The following PAH variants were observed in gnomAD, a reference collection of about 807,000 sequenced individuals.
PAH encodes phenylalanine-4-hydroxylase.
PAH carries 64 observed loss-of-function variants against 62.0 expected under a neutral mutation model. The observed-to-expected ratio is 1.03, with a 90% confidence interval of 0.84 to 1.27. PAH has a LOEUF of 1.27. PAH is among the 50% of genes most tolerant of loss of function. The pLI, the probability that PAH is intolerant of heterozygous loss-of-function variation, is 0.00. For synonymous variants in PAH, 195 were observed against 196.2 expected (o/e 0.99, Z 0.05); for missense variants, 579 against 542.8 (o/e 1.07, Z -0.66).
intron 3 of PAH, among the ~76,000 whole-genome samples, chr12:102,890,497 A>G (rs1877232161): frequency 6.6e-6 from 1 of 152,218 alleles, no homozygotes; most frequent in Non-Finnish European, 1.5e-5. Flanking sequence ...AGGTCGTGGC[A>G]TGTCAACATC....
At chr12:102,943,746 A>G (rs1879380049) in intron 1 of PAH, among the ~76,000 whole-genome samples, 1 of 152,208 alleles carries the variant, frequency 6.6e-6, no homozygotes. Context: ...GAATGAAATC[A>G]TGTCATTTGC....
At chr12:102,882,845 C>T (rs781687127) in intron 3 of PAH, among the ~76,000 whole-genome samples, 2 of 151,782 alleles carry the variant, frequency 1.3e-5, no homozygotes, top group Non-Finnish European at 2.9e-5. Flanking sequence ...ATGCTCTTTC[C>T]GTATTATTGG....
intron 2 of PAH, 86 bp from the exon 3 acceptor site, chr12:102,895,004 C>T (rs140590557): frequency 3.9e-5 from 39 of 1,002,404 alleles, no homozygotes; most frequent in East Asian, 3.6e-4. Context: ...GAAAACCTAA[C>T]GCAACAAAAT....
At position 102,839,022 on chromosome 12, in the gene PAH, T is replaced by G; in HGVS notation, c.*153A>C. The G allele has an allele frequency of 4.3e-6, 3 of 696,534 alleles. No individual in the cohort carries two copies. Among genetic ancestry groups the G allele is most frequent in the Non-Finnish European group, 7.6e-6 (3 of 392,190 alleles). 43.1% of individuals were successfully genotyped at this position (696,534 alleles called of 1,614,324 possible). ...GTACTCATATCCTGTCATTTCAGAT[T>G]ATTTTGACTTATTTGTTGTTTCTCC... On this transcript the variant is annotated 3_prime_UTR_variant, in exon 13 of 13. Transcript: ENST00000553106.
intron 3 of PAH, among the ~76,000 whole-genome samples, chr12:102,883,177 C>T (rs1876894117): frequency 6.6e-6 from 1 of 152,156 alleles, no homozygotes; most frequent in South Asian, 2.1e-4. Context: ...CTGAGGCTGG[C>T]CAGATGATAC....
At chr12:102,940,920 A>G (rs1332829381) in intron 1 of PAH, among the ~76,000 whole-genome samples, 1 of 152,186 alleles carries the variant, frequency 6.6e-6, no homozygotes, top group African/African-American at 2.4e-5. Flanking sequence ...AGACAGCTAC[A>G]GAGAAAGGGC....
chr12:102,944,100 G>A (rs1407516952), intron 1 of PAH, among the ~76,000 whole-genome samples: 1 of 152,170 alleles, frequency 6.6e-6, no homozygotes, highest in Non-Finnish European at 1.5e-5. Context: ...CTTCCTCCAT[G>A]CCTATAAGGT....
chr12:102,860,932 T>G (rs566589694), intron 5 of PAH, among the ~76,000 whole-genome samples: 178 of 152,314 alleles, frequency 1.2e-3, no homozygotes, highest in Non-Finnish European at 2.3e-3. Flanking sequence ...GGGCAAGGAC[T>G]TCATGTCTTA....
At chr12:102,860,589 C>G (rs894121720) in intron 5 of PAH, among the ~76,000 whole-genome samples, 1 of 152,162 alleles carries the variant, frequency 6.6e-6, no homozygotes, top group African/African-American at 2.4e-5. Context: ...AACTATACTA[C>G]AAGGCTACAG....
At chr12:102,916,558 G>A (rs1177285539) in intron 1 of PAH, 1 of 175,334 alleles carries the variant, frequency 5.7e-6, no homozygotes, top group East Asian at 1.5e-4. Flanking sequence ...TGCCTCCCCT[G>A]GTCTGAGTAA....
At chr12:102,858,687 C>T (rs1434586297) in intron 5 of PAH, among the ~76,000 whole-genome samples, 1 of 152,204 alleles carries the variant, frequency 6.6e-6, no homozygotes, top group South Asian at 2.1e-4. Flanking sequence ...AACCACTCAA[C>T]TACATGGAAA....
At position 102,916,145 on chromosome 12, in the gene PAH, T is replaced by A. The variant is rs1428363529; in HGVS notation, c.60+926A>T. Among the ~76,000 whole-genome samples the A allele has an allele frequency of 7.1e-5, 4 of 56,468 alleles. No homozygotes were observed. In the South Asian group the frequency reaches 1.4e-3, roughly 19 times the overall value. The allele number at this position is 56,468 out of a possible 152,430, so 37.0% of individuals were successfully genotyped here. A position where few individuals can be genotyped will look rare whatever the true frequency, so the allele number is the denominator to read the frequency against. On this transcript the variant is annotated intron_variant, in intron 1 of 12. Transcript: ENST00000553106. ...AGCCATGTACTATTTTCATAAGAAA[T>A]TTTTTTTTTTAAGGATTCAAATAAA...
chr12:102,851,007 C>G (rs893826408), intron 8 of PAH, among the ~76,000 whole-genome samples: 1 of 151,138 alleles, frequency 6.6e-6, no homozygotes, highest in Admixed American at 6.6e-5. Flanking sequence ...TTGTTTGAGC[C>G]CAGAAGTCTG....
intron 1 of PAH, among the ~76,000 whole-genome samples, chr12:102,928,028 T>C (rs73173953): frequency 0.063 from 9,565 of 152,244 alleles, 411 homozygotes; most frequent in Non-Finnish European, 0.099. Flanking sequence ...TTTCATTCCT[T>C]CTGGAAAGAG....
intron 2 of PAH, among the ~76,000 whole-genome samples, chr12:102,905,917 C>T (rs1877957173): frequency 6.6e-6 from 1 of 151,330 alleles, no homozygotes; most frequent in Non-Finnish European, 1.5e-5. Flanking sequence ...TTTTAAATTT[C>T]AGTATGACAA....
rs1565855153 is a variant in PAH at position 102,868,174 on chromosome 12, GTGTATATATA to G, written c.442-1521_442-1512del. On this transcript the variant is annotated intron_variant, in intron 4 of 12. Coordinates refer to ENST00000553106, the MANE Select transcript of PAH (RefSeq NM_000277.3). ...TATATACACATATATATACATATAT[GTGTATATATA>G]TATATATATATATATATATATCAGG... 4.6e-4 allele frequency among the ~76,000 whole-genome samples: 3 copies of G among 6,470 alleles called. 1 individual carries two copies. The East Asian group carries it at 0.015, about 31-fold the overall frequency. 4.2% of individuals were successfully genotyped at this position (6,470 alleles called of 152,430 possible). A position where few individuals can be genotyped will look rare whatever the true frequency, so the allele number is the denominator to read the frequency against.
In PAH at chr12:102,867,257, G is replaced by A. The variant is rs527248860; in HGVS notation, c.442-594C>T. Among the ~76,000 whole-genome samples, 67 of 152,236 alleles carry A rather than the reference G, an allele frequency of 4.4e-4. 1 individual carries two copies. The South Asian group carries it at 6.2e-3, about 14-fold the overall frequency. ...TTCAGAGAAGTGGATCCATAGTGAC[G>A]GTGAGGCTGGGATTTGGATCACCAT... On this transcript the variant is annotated intron_variant, in intron 4 of 12. Coordinates refer to ENST00000553106, the MANE Select transcript of PAH (RefSeq NM_000277.3).
At chr12:102,887,559 T>A (rs1242742210) in intron 3 of PAH, among the ~76,000 whole-genome samples, 2 of 152,000 alleles carry the variant, frequency 1.3e-5, no homozygotes, top group Non-Finnish European at 2.9e-5. Context: ...GGGTTATAGA[T>A]CATAGAGAGC....
chr12:102,898,683 A>G (rs1036722774), intron 2 of PAH, among the ~76,000 whole-genome samples: 3 of 152,248 alleles, frequency 2.0e-5, no homozygotes, highest in African/African-American at 7.2e-5. Context: ...GAGACATAAA[A>G]AAATAAAATC....
Sources: allele counts gnomAD v4.1 joint callset (sites outside exome capture counted in the v4.1 genomes callset), GRCh38; gene constraint gnomAD v4.1.1; transcripts MANE v1.5; gene names NCBI Gene and HGNC (gene_info 2026-07-23, HGNC 2026-07-21).